Variants in GALR2 observed in about 807,000 individuals in gnomAD.
GALR2 encodes the protein galanin receptor 2.
In GALR2, 5 loss-of-function variants were observed where a neutral mutation model predicts 7.2. The observed-to-expected ratio is 0.69, with a 90% CI of 0.36 to 1.45. GALR2 has a LOEUF of 1.45. Ranked by LOEUF, GALR2 falls within the 40% of genes most tolerant of loss-of-function variation. GALR2 has a pLI of 0.03. For missense variants in GALR2, 561 were observed against 555.7 expected, an observed-to-expected ratio of 1.01 and a Z score of -0.10; for synonymous variants, 300 against 263.9, an observed-to-expected ratio of 1.14 and a Z score of -1.32.
In GALR2 at chr17:76,074,936, G is replaced by T; in HGVS notation, c.53G>T (p.Gly18Val). 2 of 1,562,490 alleles carry T rather than the reference G, an allele frequency of 1.3e-6. No homozygotes were observed. Among genetic ancestry groups the T allele is most frequent in the East Asian group, 2.4e-5 (1 of 42,322 alleles). ...GGGAACGCGAGCCAGGCGGGCGGCG[G>T]GGGAGGCTGGCACCCCGAGGCGGTC... is the stretch of plus-strand genomic sequence containing the variant. ...GAGNASQAGG[G>V]GGWHPEAVIV... is the part of the protein sequence containing the mutation. Residue 18 changes from glycine to valine, a missense_variant, in exon 1 of 2, where the codon GGG (glycine) becomes GTG (valine). Coordinates refer to ENST00000329003, the MANE Select transcript of GALR2 (RefSeq NM_003857.4). The surrounding 1 kb of genome is among the most constrained non-coding windows in gnomAD (Gnocchi z 6.7).
In GALR2 at chr17:76,077,334, C is replaced by G; in HGVS notation, c.1067C>G (p.Pro356Arg). The G allele has an allele frequency of 6.4e-7, 1 of 1,560,390 alleles. No individual in the cohort carries two copies. The highest frequency in any genetic ancestry group is 8.6e-7 in the Non-Finnish European group (1 of 1,160,822). ...SEAAGALRPC[P>R]GASQPCILEP... The stretch of plus-strand genomic sequence containing the variant: ...GCGGCGGGGGCCCTTCGTCCCTGCC[C>G]CGGCGCTTCCCAGCCATGCATCCTC... Residue 356 changes from proline to arginine, a missense_variant, in exon 2 of 2, where the codon CCC (proline) becomes CGC (arginine). Pro to Arg is a moderately radical substitution (Grantham distance 103). Transcript: ENST00000329003.
Position 76,076,846 on chromosome 17 carries a change from C to T in GALR2, c.579C>T (p.Val193=), listed in dbSNP as rs773059883. 6.2e-7 allele frequency: 1 copy of T among 1,604,952 alleles called. No individual in the cohort carries two copies. The highest frequency in any genetic ancestry group is 1.1e-5 in the South Asian group (1 of 91,048). ...GCGCCATGGACATCTGCACCTTCGT[C>T]TTCAGCTACCTGCTTCCTGTGCTGG... ...RRRAMDICTF[V]FSYLLPVLVL... is the part of the protein sequence containing the mutation. The change falls in exon 2 of 2, where the codon GTC becomes GTT. Residue 193 remains valine (V), a synonymous_variant. Coordinates refer to ENST00000329003, the MANE Select transcript of GALR2 (RefSeq NM_003857.4). This position sits in a 1 kb window ranked among gnomAD's most constrained non-coding sequence, Gnocchi z 6.5.
At position 76,074,845 on chromosome 17, in the gene GALR2, G is replaced by A; in HGVS notation, c.-39G>A. 2 of 1,458,712 alleles carry A rather than the reference G, an allele frequency of 1.4e-6. No individual in the cohort carries two copies. Among genetic ancestry groups the A allele is most frequent in the Non-Finnish European group, 1.8e-6 (2 of 1,110,588 alleles). 90.4% of individuals were successfully genotyped at this position (1,458,712 alleles called of 1,614,324 possible). A position where few individuals can be genotyped will look rare whatever the true frequency, so the allele number is the denominator to read the frequency against. On this transcript the variant is annotated 5_prime_UTR_variant, in exon 1 of 2. Coordinates refer to ENST00000329003, the MANE Select transcript of GALR2 (RefSeq NM_003857.4). The surrounding 1 kb of genome is among the most constrained non-coding windows in gnomAD (Gnocchi z 6.7). ...GCTTCCCGCTCGCGGAGACCCAGAC[G>A]GCTGCAGGAGCCCGGGCAGCCTCGG...
upstream of GALR2, chr17:76,072,090 G>T: frequency 1.1e-6 from 1 of 882,010 alleles, no homozygotes; most frequent in Non-Finnish European, 1.7e-6. The surrounding 1 kb of genome is among the most constrained non-coding windows in gnomAD (Gnocchi z 4.5). Flanking sequence ...GCCACTGGAA[G>T]AAACGGACCT....
At position 76,074,797 on chromosome 17, in the gene GALR2, T is replaced by C; in HGVS notation, c.-87T>C. 7.3e-7 allele frequency: 1 copy of C among 1,364,270 alleles called. No homozygotes were observed. Among genetic ancestry groups the C allele is most frequent in the Non-Finnish European group, 9.6e-7 (1 of 1,039,612 alleles). The allele number at this position is 1,364,270 out of a possible 1,614,324, so 84.5% of individuals were successfully genotyped here. ...CAGCCCGGCAGAGTCGCACTAGGAG[T>C]TGCAGCGGCCGCAGCCCCGGGAGCT... is the stretch of plus-strand genomic sequence containing the variant. On this transcript the variant is annotated 5_prime_UTR_variant, in exon 1 of 2. Transcript: ENST00000329003. This position sits in a 1 kb window ranked among gnomAD's most constrained non-coding sequence, Gnocchi z 6.7.
Position 76,076,948 on chromosome 17 carries a change from C to T in GALR2, c.681C>T (p.Ala227=). Residue 227 remains alanine (A), a synonymous_variant, in exon 2 of 2, where the codon GCC becomes GCT. Transcript: ENST00000329003. The surrounding 1 kb of genome is among the most constrained non-coding windows in gnomAD (Gnocchi z 6.5). ...AVDPVAAGSG[A]RRAKRKVTRM... Reference sequence around the variant, plus strand: ...ACCCGGTGGCCGCGGGCTCGGGTGCCCGGCGCGCCAAGCGCAAGGTGACAC... The same window carrying T: ...ACCCGGTGGCCGCGGGCTCGGGTGCTCGGCGCGCCAAGCGCAAGGTGACAC... 5.0e-6 allele frequency: 8 copies of T among 1,602,422 alleles called. No individual in the cohort carries two copies. The highest frequency in any genetic ancestry group is 6.8e-6 in the Non-Finnish European group (8 of 1,178,458).
rs1445182478 is a variant in GALR2 at position 76,077,206 on chromosome 17, T to C, written c.939T>C (p.Arg313=). ...FRTICAGLLG[R]APGRASGRVC... ...CGATCTGCGCGGGCCTGCTGGGCCG[T>C]GCCCCAGGCCGAGCCTCGGGCCGTG... The change falls in exon 2 of 2, where the codon CGT becomes CGC. Residue 313 remains arginine (R), a synonymous_variant. Transcript: ENST00000329003. 1.2e-6 allele frequency: 2 copies of C among 1,608,890 alleles called. No homozygotes were observed. The highest frequency in any genetic ancestry group is 1.1e-5 in the South Asian group (1 of 90,662).
rs2066897702 is a variant in GALR2 at position 76,077,442 on chromosome 17, C to T, written c.*11C>T. 21 of 1,442,398 alleles carry T rather than the reference C, an allele frequency of 1.5e-5. No homozygotes were observed. The highest frequency in any genetic ancestry group is 1.8e-5 in the Non-Finnish European group (20 of 1,103,206). 89.3% of individuals were successfully genotyped at this position (1,442,398 alleles called of 1,614,324 possible). On this transcript the variant is annotated 3_prime_UTR_variant, in exon 2 of 2. Coordinates refer to ENST00000329003, the MANE Select transcript of GALR2 (RefSeq NM_003857.4). ...GTTGATGTGGCCTGAAAGCACTTAG[C>T]GGGCGCGCTGGGATGTCACAGAGTT...
chr17:76,072,477 C>G (rs2066864514), upstream of GALR2: 2 of 1,582,356 alleles, frequency 1.3e-6, no homozygotes, highest in African/African-American at 2.7e-5. The surrounding 1 kb of genome is among the most constrained non-coding windows in gnomAD (Gnocchi z 4.5). Context: ...CTGGGACCTG[C>G]TTCTCAGCAG....
rs1453758485 is a variant in GALR2 at position 76,075,379 on chromosome 17, G to A, written c.368+128G>A. ...ACACTAAGAAGGCAGTGGAAGACAAGCGGGCGCGGAGGAGGAAAAAGAGGA... is the reference window on the plus strand; with the variant it reads ...ACACTAAGAAGGCAGTGGAAGACAAACGGGCGCGGAGGAGGAAAAAGAGGA... On this transcript the variant is annotated intron_variant, in intron 1 of 1. Coordinates refer to ENST00000329003, the MANE Select transcript of GALR2 (RefSeq NM_003857.4). This position sits in a 1 kb window ranked among gnomAD's most constrained non-coding sequence, Gnocchi z 5.9. 2 of 1,033,604 alleles carry A rather than the reference G, an allele frequency of 1.9e-6. No individual in the cohort carries two copies. The highest frequency in any genetic ancestry group is 2.8e-6 in the Non-Finnish European group (2 of 719,518). The allele number at this position is 1,033,604 out of a possible 1,614,324, so 64.0% of individuals were successfully genotyped here.
At position 76,075,832 on chromosome 17, in the gene GALR2, C is replaced by T. The variant is rs1275970446; in HGVS notation, c.368+581C>T. Among the ~76,000 whole-genome samples, 2 of 152,156 alleles carry T rather than the reference C, an allele frequency of 1.3e-5. No homozygotes were observed. Among genetic ancestry groups the T allele is most frequent in the African/African-American group, 4.8e-5 (2 of 41,418 alleles). On this transcript the variant is annotated intron_variant, in intron 1 of 1. Coordinates refer to ENST00000329003, the MANE Select transcript of GALR2 (RefSeq NM_003857.4). The surrounding 1 kb of genome is among the most constrained non-coding windows in gnomAD (Gnocchi z 5.9). The stretch of plus-strand genomic sequence containing the variant: ...GTGCCTAAAGGTCCCTAGCTCAGTC[C>T]CAGCCCACTCTGCCTCTCGCCTCCA...
At chr17:76,074,753 G>T, upstream of GALR2, 1 of 1,026,010 alleles carries the variant, frequency 9.7e-7, no homozygotes, top group Non-Finnish European at 1.4e-6. The surrounding 1 kb of genome is among the most constrained non-coding windows in gnomAD (Gnocchi z 6.7). Context: ...CCCAGATGAG[G>T]CAAGGCTCCC....
At position 76,075,251 on chromosome 17, in the gene GALR2, G is replaced by T; in HGVS notation, c.368G>T (p.Arg123Met). 1 of 1,597,600 alleles carries T rather than the reference G, an allele frequency of 6.3e-7. No individual in the cohort carries two copies. Among genetic ancestry groups the T allele is most frequent in the South Asian group, 1.1e-5 (1 of 90,694 alleles). Reference sequence around the variant, plus strand: ...ACGCTGGCCGCCGTCTCCCTGGACAGGTGAGCCAGCGCCTTGGCCTCCCTG... The same window carrying T: ...ACGCTGGCCGCCGTCTCCCTGGACATGTGAGCCAGCGCCTTGGCCTCCCTG... ...SFTLAAVSLD[R>M]YLAIRYPLHS... Residue 123 changes from arginine to methionine, a missense_variant and splice_region_variant, in exon 1 of 2, where the codon AGG (arginine) becomes ATG (methionine). Physicochemically the swap from Arg to Met is moderately conservative, Grantham distance 91 (BLOSUM62 -1). Coordinates refer to ENST00000329003, the MANE Select transcript of GALR2 (RefSeq NM_003857.4). The surrounding 1 kb of genome is among the most constrained non-coding windows in gnomAD (Gnocchi z 5.9).
At chr17:76,072,452 C>CGCCGCCGCCACT, upstream of GALR2, 1 of 1,578,862 alleles carries the variant, frequency 6.3e-7, no homozygotes, top group Non-Finnish European at 8.6e-7. This position sits in a 1 kb window ranked among gnomAD's most constrained non-coding sequence, Gnocchi z 4.5. Context: ...CCACTGCCGC[C>CGCCGCCGCCACT]GCCGCCGCCG....
rs1164617919 is a variant in GALR2 at position 76,077,427 on chromosome 17, C to A, written c.1160C>A (p.Ala387Asp). 7 of 1,446,896 alleles carry A rather than the reference C, an allele frequency of 4.8e-6. No individual in the cohort carries two copies. In the Admixed American group the frequency reaches 8.3e-5, roughly 17 times the overall value. 89.6% of individuals were successfully genotyped at this position (1,446,896 alleles called of 1,614,324 possible). A position where few individuals can be genotyped will look rare whatever the true frequency, so the allele number is the denominator to read the frequency against. ...AGDSILTVDV[A>D] The stretch of plus-strand genomic sequence containing the variant: ...GACAGCATCCTGACGGTTGATGTGG[C>A]CTGAAAGCACTTAGCGGGCGCGCTG... Residue 387 changes from alanine to aspartate, a missense_variant, in exon 2 of 2, where the codon GCC becomes GAC. Ala to Asp is a moderately radical substitution (Grantham distance 126). Coordinates refer to ENST00000329003, the MANE Select transcript of GALR2 (RefSeq NM_003857.4).
rs904762572 is a variant in GALR2, at chr17:76,076,077, G to A, written c.369-559G>A. Among the ~76,000 whole-genome samples, 2 of 152,208 alleles carry A rather than the reference G, an allele frequency of 1.3e-5. No individual in the cohort carries two copies. The highest frequency in any genetic ancestry group is 4.8e-5 in the African/African-American group (2 of 41,450). On this transcript the variant is annotated intron_variant, in intron 1 of 1. Coordinates refer to ENST00000329003, the MANE Select transcript of GALR2 (RefSeq NM_003857.4). This position sits in a 1 kb window ranked among gnomAD's most constrained non-coding sequence, Gnocchi z 6.5. ...AAAAACAGAGAGGCGAGGCCAGACT[G>A]CCCCCACACCTCCTGTAGCCACTGA...
chr17:76,072,248 C>T, upstream of GALR2: 11 of 1,601,726 alleles, frequency 6.9e-6, no homozygotes, highest in Non-Finnish European at 8.5e-6. The surrounding 1 kb of genome is among the most constrained non-coding windows in gnomAD (Gnocchi z 4.5). Flanking sequence ...CCTCTCCCGC[C>T]CCCAGCCCTC....
In GALR2 at chr17:76,077,320, C is replaced by T. The variant is rs762468562; in HGVS notation, c.1053C>T (p.Ala351=). The change falls in exon 2 of 2, where the codon GCC becomes GCT. Residue 351 remains alanine (A), a synonymous_variant. Coordinates refer to ENST00000329003, the MANE Select transcript of GALR2 (RefSeq NM_003857.4). ...TGCACATGAGCGAGGCGGCGGGGGCCCTTCGTCCCTGCCCCGGCGCTTCCC... is the reference window on the plus strand; with the variant it reads ...TGCACATGAGCGAGGCGGCGGGGGCTCTTCGTCCCTGCCCCGGCGCTTCCC... ...DLLHMSEAAG[A]LRPCPGASQP... is the part of the protein sequence containing the mutation. 1 of 1,577,140 alleles carries T rather than the reference C, an allele frequency of 6.3e-7. No homozygotes were observed. Among genetic ancestry groups the T allele is most frequent in the Non-Finnish European group, 8.6e-7 (1 of 1,169,124 alleles).
At position 76,075,334 on chromosome 17, in the gene GALR2, G is replaced by A; in HGVS notation, c.368+83G>A. The A allele has an allele frequency of 7.0e-7, 1 of 1,430,162 alleles. No homozygotes were observed. The highest frequency in any genetic ancestry group is 1.4e-5 in the African/African-American group (1 of 71,556). 88.6% of individuals were successfully genotyped at this position (1,430,162 alleles called of 1,614,324 possible). A position where few individuals can be genotyped will look rare whatever the true frequency, so the allele number is the denominator to read the frequency against. ...GAGGCGGGACTGGGGACCAAGAAGG[G>A]ACGCGCAGAGTGGGACAGGACACTA... On this transcript the variant is annotated intron_variant, in intron 1 of 1. Transcript: ENST00000329003. The surrounding 1 kb of genome is among the most constrained non-coding windows in gnomAD (Gnocchi z 5.9).
Sources: gnomAD v4.1 joint callset for allele counts (sites outside exome capture counted in the v4.1 genomes callset) on GRCh38, gnomAD v4.1.1 for gene constraint, Gnocchi (gnomAD v3.1) non-coding constraint, MANE v1.5 for transcripts, NCBI Gene and HGNC (gene_info 2026-07-23, HGNC 2026-07-21) for gene names.